RNF180: variants seen among roughly 807,000 people sequenced by gnomAD.
The protein encoded by RNF180 is E3 ubiquitin-protein ligase RNF180.
RNF180 carries 38 observed loss-of-function variants against 59.2 expected under a neutral mutation model. That is an observed-to-expected ratio of 0.64 (90% confidence interval 0.50 to 0.84). The LOEUF is 0.84. Ranked by LOEUF, RNF180 falls within the 40% of genes least tolerant of loss-of-function variation. The probability of loss-of-function intolerance (pLI) is 0.00; values close to 1 mark genes in which losing one functional copy is unlikely to be tolerated. For missense variants in RNF180, 705 were observed against 700.9 expected (o/e 1.01, Z -0.07); for synonymous variants, 262 against 240.3 (o/e 1.09, Z -0.84).
At chr5:64,331,202 C>T (rs1269649236) in intron 7 of RNF180, among the ~76,000 whole-genome samples, 6 of 152,200 alleles carry the variant, frequency 3.9e-5, no homozygotes, top group African/African-American at 7.2e-5. Flanking sequence ...CTGCATACAC[C>T]GCTTGGCAAG....
chr5:64,296,507 T>A (rs1395109239), intron 5 of RNF180, among the ~76,000 whole-genome samples: 6 of 152,136 alleles, frequency 3.9e-5, no homozygotes, highest in Admixed American at 2.0e-4. Flanking sequence ...GCATGTGGAC[T>A]CTCTGAAGTT....
chr5:64,227,842 T>C lies in RNF180; in HGVS notation c.1227+10446T>C, dbSNP rs958954041. ...AATAAATAAAAAATAAATCTGCACA[T>C]TTGGTTTTATTTACCATGTCAACCA... On this transcript the variant is annotated intron_variant, in intron 5 of 7. Transcript: ENST00000389100. Among the ~76,000 whole-genome samples the C allele has an allele frequency of 6.8e-4, 104 of 152,208 alleles. 2 individuals are homozygous for C. Among genetic ancestry groups the C allele is most frequent in the Non-Finnish European group, 3.5e-4 (24 of 68,040 alleles).
intron 5 of RNF180, among the ~76,000 whole-genome samples, chr5:64,303,565 C>G (rs1212018437): frequency 1.3e-5 from 2 of 151,668 alleles, no homozygotes; most frequent in African/African-American, 4.8e-5. Flanking sequence ...GAAGATGAAA[C>G]CAGCCACAAT....
rs757773901 is a variant in RNF180 at position 64,214,516 on chromosome 5, A to G, written c.1190A>G (p.Gln397Arg). 9 of 1,606,692 alleles carry G rather than the reference A, an allele frequency of 5.6e-6. No homozygotes were observed. Among genetic ancestry groups the G allele is most frequent in the Non-Finnish European group, 7.7e-6 (9 of 1,176,024 alleles). Residue 397 changes from glutamine to arginine, a missense_variant and splice_region_variant, in exon 4 of 8, where the codon CAG (glutamine) becomes CGG (arginine). Physicochemically the swap from Gln to Arg is conservative, Grantham distance 43 (BLOSUM62 1). Transcript: ENST00000389100. The part of the protein sequence containing the change: ...QRRRERWLQK[Q>R]GKYSGVGLLD... ...AGGCGTGAAAGATGGCTACAGAAGC[A>G]GGTAATATTTTTCAAAAGAGTTTAC...
chr5:64,352,939 C>A (rs1395520425), intron 7 of RNF180, among the ~76,000 whole-genome samples: 1 of 151,732 alleles, frequency 6.6e-6, no homozygotes, highest in Non-Finnish European at 1.5e-5. Flanking sequence ...TATTTTTAAT[C>A]TGTAAAATGG....
intron 5 of RNF180, among the ~76,000 whole-genome samples, chr5:64,222,812 G>A (rs1741434015): frequency 6.6e-6 from 1 of 152,158 alleles, no homozygotes; most frequent in Admixed American, 6.5e-5. Flanking sequence ...AATATGCTAT[G>A]TTATCTCTTC....
At chr5:64,287,123 C>T (rs1742329119) in intron 5 of RNF180, among the ~76,000 whole-genome samples, 1 of 152,140 alleles carries the variant, frequency 6.6e-6, no homozygotes. Flanking sequence ...CCTGCCACCA[C>T]ACCTGGCTGA....
intron 5 of RNF180, among the ~76,000 whole-genome samples, chr5:64,282,645 C>A (rs1254569314): frequency 6.6e-6 from 1 of 152,096 alleles, no homozygotes; most frequent in Non-Finnish European, 1.5e-5. Flanking sequence ...AATTTGAGAT[C>A]TAATTTTTTT....
intron 5 of RNF180, among the ~76,000 whole-genome samples, chr5:64,224,940 T>G (rs1174259653): frequency 6.6e-6 from 1 of 152,214 alleles, no homozygotes. Context: ...CAAGGAGGCC[T>G]TCACCACACC....
intron 5 of RNF180, chr5:64,217,627 A>T: frequency 1.9e-6 from 1 of 533,688 alleles, no homozygotes; most frequent in Non-Finnish European, 2.7e-6. Flanking sequence ...CTTATTTTAC[A>T]TTTGTATATA....
At chr5:64,245,100 C>T (rs949809536) in intron 5 of RNF180, among the ~76,000 whole-genome samples, 2 of 152,124 alleles carry the variant, frequency 1.3e-5, no homozygotes, top group South Asian at 2.1e-4. Context: ...CACTAAATAT[C>T]GAATGGAAAA....
At chr5:64,199,801 T>G (rs1232077283) in intron 1 of RNF180, among the ~76,000 whole-genome samples, 1 of 152,228 alleles carries the variant, frequency 6.6e-6, no homozygotes, top group African/African-American at 2.4e-5. Flanking sequence ...ATTTTGGAAT[T>G]GTTATGTATT....
At chr5:64,196,216 G>A (rs1334371782) in intron 1 of RNF180, among the ~76,000 whole-genome samples, 2 of 150,204 alleles carry the variant, frequency 1.3e-5, no homozygotes. Context: ...CACCATTAAC[G>A]CTTTCGGATG....
At chr5:64,239,616 T>A (rs1742675236) in intron 5 of RNF180, among the ~76,000 whole-genome samples, 1 of 152,154 alleles carries the variant, frequency 6.6e-6, no homozygotes, top group South Asian at 2.1e-4. Flanking sequence ...AATTATTAAT[T>A]TGGCTTCATT....
At chr5:64,340,636 G>A (rs1745321052) in intron 7 of RNF180, among the ~76,000 whole-genome samples, 1 of 152,152 alleles carries the variant, frequency 6.6e-6, no homozygotes, top group Non-Finnish European at 1.5e-5. Context: ...GAGCTGAAAG[G>A]TACATTAACC....
chr5:64,193,279 T>G (rs1751276808), intron 1 of RNF180, among the ~76,000 whole-genome samples: 2 of 152,070 alleles, frequency 1.3e-5, no homozygotes, highest in Admixed American at 1.3e-4. Flanking sequence ...TAGATTTCAT[T>G]TTAAGTGTTC....
chr5:64,288,570 G>C (rs1181894358), intron 5 of RNF180, among the ~76,000 whole-genome samples: 1 of 152,076 alleles, frequency 6.6e-6, no homozygotes, highest in Non-Finnish European at 1.5e-5. Context: ...TTATTTCATT[G>C]AGCAGTGGTT....
intron 5 of RNF180, among the ~76,000 whole-genome samples, chr5:64,251,755 A>G (rs967180234): frequency 6.6e-6 from 1 of 152,068 alleles, no homozygotes; most frequent in Non-Finnish European, 1.5e-5. Context: ...TTCAGTAACG[A>G]TACAGAATAC....
At chr5:64,191,751 T>C (rs1303568655) in intron 1 of RNF180, among the ~76,000 whole-genome samples, 1 of 152,242 alleles carries the variant, frequency 6.6e-6, no homozygotes, top group Non-Finnish European at 1.5e-5. Context: ...AGTTGCCTTT[T>C]CACTCTGTTG....
Sources: allele counts gnomAD v4.1 joint callset (sites outside exome capture counted in the v4.1 genomes callset), GRCh38; gene constraint gnomAD v4.1.1; transcripts MANE v1.5; gene names NCBI Gene and HGNC (gene_info 2026-07-23, HGNC 2026-07-21).